Variants in AXDND1 observed in about 807,000 individuals in gnomAD.
AXDND1 encodes the protein axonemal dynein light chain domain containing 1.
In AXDND1, 110 loss-of-function variants were observed where a neutral mutation model predicts 137.5. The observed-to-expected ratio is 0.80, with a 90% CI of 0.69 to 0.94. The LOEUF is 0.94. Among genes scored for constraint, AXDND1 ranks in the 40% least tolerant of loss-of-function variants. The pLI is 0.00. For missense variants in AXDND1, 1,191 were observed against 1,169.8 expected, an observed-to-expected ratio of 1.02 and a Z score of -0.26; for synonymous variants, 414 against 399.7, an observed-to-expected ratio of 1.04 and a Z score of -0.43.
intron 11 of AXDND1, 36 bp downstream of exon 11, chr1:179,395,238 G>C: frequency 6.5e-7 from 1 of 1,528,676 alleles, no homozygotes; most frequent in Non-Finnish European, 9.0e-7. Flanking sequence ...TTACATAGGG[G>C]AAAAGGAAGA....
intron 15 of AXDND1, among the ~76,000 whole-genome samples, chr1:179,441,191 A>G (rs1409905488): frequency 6.6e-6 from 1 of 152,150 alleles, no homozygotes; most frequent in Admixed American, 6.5e-5. Context: ...AGCAGCACTG[A>G]TTGGCCCATT....
chr1:179,367,872 G>T (rs1339916929), intron 2 of AXDND1, among the ~76,000 whole-genome samples: 2 of 152,138 alleles, frequency 1.3e-5, no homozygotes, highest in Non-Finnish European at 2.9e-5. Flanking sequence ...TTCATATGCG[G>T]ATCTGTACTA....
chr1:179,458,092 T>C (rs12128333), intron 16 of AXDND1, among the ~76,000 whole-genome samples: 25,371 of 151,630 alleles, frequency 0.17, 2,482 homozygotes, highest in East Asian at 0.35. Flanking sequence ...CATGCTCAAG[T>C]GATCCTCCCA....
intron 20 of AXDND1, among the ~76,000 whole-genome samples, chr1:179,506,019 G>A (rs1174064185): frequency 1.3e-5 from 2 of 152,166 alleles, no homozygotes; most frequent in Admixed American, 6.5e-5. Flanking sequence ...CTTGTTATAA[G>A]GCTTCATGTG....
At chr1:179,480,103 A>G (rs1665175250) in intron 17 of AXDND1, among the ~76,000 whole-genome samples, 1 of 152,176 alleles carries the variant, frequency 6.6e-6, no homozygotes, top group Admixed American at 6.5e-5. Flanking sequence ...CCTGTTACCC[A>G]GTTCCAAGGT....
intron 21 of AXDND1, among the ~76,000 whole-genome samples, chr1:179,515,953 G>A (rs1293953653): frequency 6.6e-6 from 1 of 152,076 alleles, no homozygotes; most frequent in African/African-American, 2.4e-5. Context: ...TTGTGTTACA[G>A]TTGCCTACAG....
At chr1:179,474,094 G>A (rs751277777) in intron 17 of AXDND1, among the ~76,000 whole-genome samples, 3 of 151,890 alleles carry the variant, frequency 2.0e-5, no homozygotes, top group East Asian at 1.9e-4. Context: ...GCGTGGTGGT[G>A]GGTGCCTGTA....
intron 20 of AXDND1, among the ~76,000 whole-genome samples, chr1:179,505,837 C>A (rs1319241232): frequency 1.3e-5 from 2 of 152,092 alleles, no homozygotes; most frequent in Non-Finnish European, 1.5e-5. Flanking sequence ...AGTCCAGGGG[C>A]TAATTATTTA....
chr1:179,392,946 C>A (rs1371847322), intron 9 of AXDND1, among the ~76,000 whole-genome samples: 1 of 151,940 alleles, frequency 6.6e-6, no homozygotes, highest in African/African-American at 2.4e-5. Flanking sequence ...CTGATTATTT[C>A]TTTTGTTGTG....
intron 9 of AXDND1, among the ~76,000 whole-genome samples, 167 bp downstream of exon 9, chr1:179,385,526 A>G (rs1649062318): frequency 6.6e-6 from 1 of 152,178 alleles, no homozygotes. Flanking sequence ...GAAAGGGTCT[A>G]TAGCTTTCAT....
At chr1:179,378,592 C>G in intron 4 of AXDND1, 45 bp from the exon 5 acceptor site, 1 of 1,417,270 alleles carries the variant, frequency 7.1e-7, no homozygotes, top group Non-Finnish European at 9.5e-7. Context: ...ATGTGGTATC[C>G]AGATAGAAAA....
At chr1:179,488,634 C>CCT (rs1553292116) in intron 18 of AXDND1, among the ~76,000 whole-genome samples, 1 of 105,172 alleles carries the variant, frequency 9.5e-6, no homozygotes, top group Non-Finnish European at 2.0e-5. Flanking sequence ...CTCTCTCTCT[C>CCT]CTTTCTTTCT....
intron 16 of AXDND1, chr1:179,452,474 G>T (rs1660674639): frequency 6.9e-6 from 1 of 145,814 alleles, no homozygotes; most frequent in African/African-American, 2.7e-5. Flanking sequence ...GGATCATGAG[G>T]TCGGGAGATC....
chr1:179,542,684 G>C (rs1413593670), intron 25 of AXDND1, among the ~76,000 whole-genome samples: 1 of 152,194 alleles, frequency 6.6e-6, no homozygotes. Context: ...CCTCAATATG[G>C]AATGTGGGAC....
chr1:179,488,724 CTTTCTCTCTCTCTCTTTCT>C (rs1192430787), intron 18 of AXDND1, among the ~76,000 whole-genome samples: 3 of 84,668 alleles, frequency 3.5e-5, no homozygotes, highest in Non-Finnish European at 5.4e-5. Context: ...CTCTCTCTTT[CTTTCTCTCTCTCTCTTTCT>C]TTTTTTTTTG....
intron 18 of AXDND1, among the ~76,000 whole-genome samples, chr1:179,486,421 T>C (rs1666090076): frequency 6.6e-6 from 1 of 152,168 alleles, no homozygotes; most frequent in African/African-American, 2.4e-5. Context: ...ATATCATCCA[T>C]GAAAATTTTC....
rs1558222697 is a variant in AXDND1 at position 179,466,276 on chromosome 1, C to CTT, written c.1799-2166_1799-2165dup. On this transcript the variant is annotated intron_variant, in intron 16 of 25. Transcript: ENST00000367618. The stretch of plus-strand genomic sequence containing the variant: ...TCCTCTTTTCTTTTCTTTCTTTCTT[C>CTT]TTCTTCTTCTTTTTTTTTTTTTTTT... Among the ~76,000 whole-genome samples the CTT allele has an allele frequency of 7.6e-4, 92 of 121,372 alleles. 1 individual carries two copies. The highest frequency in any genetic ancestry group is 1.3e-3 in the Non-Finnish European group (73 of 57,446). 79.6% of individuals were successfully genotyped at this position (121,372 alleles called of 152,430 possible). A position where few individuals can be genotyped will look rare whatever the true frequency, so the allele number is the denominator to read the frequency against.
intron 11 of AXDND1, among the ~76,000 whole-genome samples, chr1:179,404,218 C>CTTTTTTCTTTTTTTTTTTCT (rs1652566488): frequency 7.6e-6 from 1 of 131,626 alleles, no homozygotes; most frequent in African/African-American, 2.7e-5. Flanking sequence ...TGAGCTTTTT[C>CTTTTTTCTTTTTTTTTTTCT]TTTGTCTTTT....
At chr1:179,468,823 T>C (rs745690677) in intron 17 of AXDND1, 182 bp downstream of exon 17, 13 of 435,640 alleles carry the variant, frequency 3.0e-5, no homozygotes, top group Non-Finnish European at 4.3e-5. Flanking sequence ...AGAAGCCTTA[T>C]GCACTTTAGC....
Sources: allele counts gnomAD v4.1 joint callset (sites outside exome capture counted in the v4.1 genomes callset), GRCh38; gene constraint gnomAD v4.1.1; transcripts MANE v1.5; gene names NCBI Gene and HGNC (gene_info 2026-07-23, HGNC 2026-07-21).